The following LRIF1 variants were observed in gnomAD, a reference collection of about 807,000 sequenced individuals.
LRIF1 encodes the protein ligand dependent nuclear receptor interacting factor 1, also known as ligand-dependent nuclear receptor-interacting factor 1.
LRIF1 carries 32 observed loss-of-function variants against 52.7 expected under a neutral mutation model. That is an observed-to-expected ratio of 0.61 (90% CI 0.46 to 0.82). The LOEUF (loss-of-function observed/expected upper bound fraction) is 0.82. LRIF1 is among the 40% of genes least tolerant of loss of function. LRIF1 has a pLI of 0.00. For synonymous variants in LRIF1, 323 were observed against 317.4 expected (o/e 1.02, Z -0.19); for missense variants, 887 against 892.0 (o/e 0.99, Z 0.07).
intron 1 of LRIF1, 80 bp downstream of exon 1, chr1:110,963,541 G>T: frequency 1.6e-6 from 2 of 1,228,738 alleles, no homozygotes; most frequent in Non-Finnish European, 2.3e-6. Flanking sequence ...ACTACACAGC[G>T]TCCGGAAACG....
chr1:110,949,928 C>T lies in LRIF1; in HGVS notation c.1792G>A (p.Asp598Asn). 3 of 1,614,108 alleles carry T rather than the reference C, an allele frequency of 1.9e-6. No individual in the cohort carries two copies. Among genetic ancestry groups the T allele is most frequent in the Non-Finnish European group, 2.5e-6 (3 of 1,180,006 alleles). ...PDHLTSGEGF[D>N]SFSSLVKSGT... ...CTCTTTACCAAACTGCTAAAGGAAT[C>T]GAAACCTTCTCCAGAGGTCAAATGG... Residue 598 changes from aspartate (D) to asparagine (N), a missense_variant, in exon 3 of 4, where the codon GAT becomes AAT. Asp to Asn is a conservative substitution (Grantham distance 23, BLOSUM62 1). Coordinates refer to ENST00000369763, the MANE Select transcript of LRIF1 (RefSeq NM_018372.4).
At chr1:110,932,220 G>A in the LRIF1 span, among the ~76,000 whole-genome samples, 1 of 152,118 alleles carries the variant, frequency 6.6e-6, no homozygotes, top group African/African-American at 2.4e-5. Context: ...AGTTTTCCCA[G>A]CACCATTTAT....
chr1:110,902,479 G>T, the LRIF1 span, among the ~76,000 whole-genome samples: 1 of 32,306 alleles, frequency 3.1e-5, no homozygotes, highest in African/African-American at 9.6e-5. Flanking sequence ...TGATCAAATC[G>T]AACTAAATCA....
Position 110,948,349 on chromosome 1 carries a change from G to A in LRIF1, c.1920C>T (p.His640=), listed in dbSNP as rs1341675531. 3 of 1,613,714 alleles carry A rather than the reference G, an allele frequency of 1.9e-6. No individual in the cohort carries two copies. Among genetic ancestry groups the A allele is most frequent in the Non-Finnish European group, 2.5e-6 (3 of 1,179,816 alleles). The change falls in exon 4 of 4, where the codon CAC becomes CAT. Residue 640 remains histidine, a synonymous_variant. Transcript: ENST00000369763. ...RKAKTNKKMD[H]IKKRKTENAY... Reference sequence around the variant, plus strand: ...CATTCTCTGTTTTTCTCTTCTTTATGTGATCCATCTTCTTATTAGTTTTTG... The same window carrying A: ...CATTCTCTGTTTTTCTCTTCTTTATATGATCCATCTTCTTATTAGTTTTTG...
the LRIF1 span, among the ~76,000 whole-genome samples, chr1:110,906,839 A>G: frequency 1.3e-5 from 2 of 152,212 alleles, no homozygotes; most frequent in Non-Finnish European, 2.9e-5. Flanking sequence ...TAAAATTTAC[A>G]TGTAAATACA....
At chr1:110,957,442 G>A (rs1658748183) in intron 1 of LRIF1, among the ~76,000 whole-genome samples, 1 of 103,724 alleles carries the variant, frequency 9.6e-6, no homozygotes, top group South Asian at 3.2e-4. Context: ...CTGCACTCCA[G>A]CCTGGGCGAC....
At chr1:110,948,432 C>T (rs760319641) in intron 3 of LRIF1, 33 bp from the exon 4 acceptor site, 30 of 1,574,552 alleles carry the variant, frequency 1.9e-5, no homozygotes, top group East Asian at 4.5e-5. Context: ...AAAACAAAAA[C>T]GAAATGTTAC....
At chr1:110,959,052 GATC>G (rs1483253463) in intron 1 of LRIF1, among the ~76,000 whole-genome samples, 1 of 152,152 alleles carries the variant, frequency 6.6e-6, no homozygotes, top group Non-Finnish European at 1.5e-5. Context: ...TTTTCTGAAA[GATC>G]ATATTCTGCG....
chr1:110,957,624 A>T (rs1033872279), intron 1 of LRIF1, among the ~76,000 whole-genome samples: 5 of 152,180 alleles, frequency 3.3e-5, no homozygotes, highest in African/African-American at 1.2e-4. Flanking sequence ...ATGTCTTACC[A>T]AACATTTTAA....
chr1:110,946,215 G>C (rs1484159289), downstream of LRIF1, among the ~76,000 whole-genome samples: 1 of 152,072 alleles, frequency 6.6e-6, no homozygotes, highest in African/African-American at 2.4e-5. Context: ...ATTAGACTAA[G>C]TAAAAAAACA....
At chr1:110,935,706 T>C in the LRIF1 span, among the ~76,000 whole-genome samples, 2 of 151,714 alleles carry the variant, frequency 1.3e-5, no homozygotes, top group Non-Finnish European at 2.9e-5. Flanking sequence ...ATCTAGAAAA[T>C]AGCCTCAGAA....
At chr1:110,890,581 G>GAGAGAAAGAGAA in the LRIF1 span, among the ~76,000 whole-genome samples, 53 of 149,812 alleles carry the variant, frequency 3.5e-4, no homozygotes, top group South Asian at 4.2e-3. Context: ...AAGAAAGAAA[G>GAGAGAAAGAGAA]AGAGAAAGAG....
At chr1:110,960,972 T>C (rs1658925291) in intron 1 of LRIF1, among the ~76,000 whole-genome samples, 1 of 152,216 alleles carries the variant, frequency 6.6e-6, no homozygotes, top group Admixed American at 6.5e-5. Context: ...TCTAATCTCC[T>C]TAGCAGGGCA....
chr1:110,907,527 T>C, the LRIF1 span, among the ~76,000 whole-genome samples: 2 of 151,032 alleles, frequency 1.3e-5, no homozygotes, highest in African/African-American at 4.9e-5. Flanking sequence ...AGGTCAGGAG[T>C]TCAAGACCAG....
rs1557838982 is a variant in LRIF1, at chr1:110,951,569, T to G, written c.1315A>C (p.Asn439His). ...ACTTTATTCTTCTCTGCCCTTAGAT[T>G]GGCCATGGAAGCAAGCTGGGTATTG... ...LSNTQLASMA[N>H]LRAEKNKVEK... Residue 439 changes from asparagine (N) to histidine (H), a missense_variant, in exon 2 of 4, where the codon AAT becomes CAT. Transcript: ENST00000369763. 6.2e-7 allele frequency: 1 copy of G among 1,614,160 alleles called. No individual in the cohort carries two copies. The highest frequency in any genetic ancestry group is 2.2e-5 in the East Asian group (1 of 44,874).
chr1:110,885,365 C>T, the LRIF1 span, among the ~76,000 whole-genome samples: 3 of 151,770 alleles, frequency 2.0e-5, no homozygotes, highest in Non-Finnish European at 4.4e-5. Context: ...GGGGAAACCC[C>T]GTCTCTATTA....
chr1:110,883,530 G>C, the LRIF1 span, among the ~76,000 whole-genome samples: 9 of 151,796 alleles, frequency 5.9e-5, no homozygotes, highest in African/African-American at 2.2e-4. Flanking sequence ...ATATCTTTCT[G>C]CTTTTAGTAT....
At chr1:110,949,179 G>A (rs1444120693) in intron 3 of LRIF1, among the ~76,000 whole-genome samples, 1 of 151,904 alleles carries the variant, frequency 6.6e-6, no homozygotes, top group Non-Finnish European at 1.5e-5. Flanking sequence ...GTGCAGTGGT[G>A]CGATCTCAGC....
chr1:110,950,436 A>T (rs1274315219), intron 2 of LRIF1, among the ~76,000 whole-genome samples: 1 of 152,202 alleles, frequency 6.6e-6, no homozygotes, highest in Non-Finnish European at 1.5e-5. Flanking sequence ...ATTATTTAGA[A>T]ATTGTAGTCT....
Sources: allele counts gnomAD v4.1 joint callset (sites outside exome capture counted in the v4.1 genomes callset), GRCh38; gene constraint gnomAD v4.1.1; transcripts MANE v1.5; gene names NCBI Gene and HGNC (gene_info 2026-07-23, HGNC 2026-07-21).